Variants in HAP1 observed in about 807,000 individuals in gnomAD.
HAP1 encodes the protein huntingtin-associated protein 1.
A neutral mutation model predicts 60.3 loss-of-function variants in HAP1; 59 were observed. The observed-to-expected ratio is 0.98, with a 90% CI of 0.79 to 1.22. HAP1 has a LOEUF of 1.22. Ranked by LOEUF, HAP1 falls within the 50% of genes most tolerant of loss-of-function variation. HAP1 has a pLI of 0.00. For missense variants in HAP1, 825 were observed against 785.3 expected (o/e 1.05, Z -0.60); for synonymous variants, 346 against 330.6 (o/e 1.05, Z -0.50).
downstream of HAP1, among the ~76,000 whole-genome samples, chr17:41,719,649 C>T (rs981229662): frequency 4.6e-5 from 7 of 151,058 alleles, no homozygotes; most frequent in African/African-American, 1.2e-4. Context: ...GCTGAGATCA[C>T]GCCATTGCAC....
Position 41,734,176 on chromosome 17 carries a change from C to T in HAP1, c.459G>A (p.Glu153=), listed in dbSNP as rs1286707078. The T allele has an allele frequency of 6.3e-7, 1 of 1,582,254 alleles. No homozygotes were observed. The highest frequency in any genetic ancestry group is 8.6e-7 in the Non-Finnish European group (1 of 1,158,368). The change falls in exon 1 of 11, where the codon GAG becomes GAA. Residue 153 remains glutamate (E), a synonymous_variant. Coordinates refer to ENST00000347901, the MANE Select transcript of HAP1 (RefSeq NM_177977.3). ...GGGGGCCCGATTTACCTTCCTCCAG[C>T]TCCCGAATAAAGGCGGCGCGCTCAG... ...SGPERAAFIR[E]LEEALCPNLP...
At position 41,724,896 on chromosome 17, in the gene HAP1, C is replaced by T. The variant is rs1555588300; in HGVS notation, c.1665G>A (p.Val555=). ...CGCTGGCCTCCAGGGCTGATGTCAC[C>T]ACGTTCATCCGCGTTGCCTCATCCA... The part of the protein sequence containing the change: ...LELDEATRMN[V]VTSALEASGL... The change falls in exon 11 of 11, where the codon GTG becomes GTA. Residue 555 remains valine, a synonymous_variant. Transcript: ENST00000347901. 1.2e-6 allele frequency: 2 copies of T among 1,613,728 alleles called. No homozygotes were observed. Among genetic ancestry groups the T allele is most frequent in the Non-Finnish European group, 1.7e-6 (2 of 1,180,006 alleles).
In HAP1 at chr17:41,727,792, C is replaced by T; in HGVS notation, c.1245G>A (p.Glu415=). 1 of 1,612,080 alleles carries T rather than the reference C, an allele frequency of 6.2e-7. No individual in the cohort carries two copies. Among genetic ancestry groups the T allele is most frequent in the South Asian group, 1.1e-5 (1 of 91,068 alleles). ...TEKLQKQLAS[E]KEIQMQLQEE... ...CCTGGAGCTGCATCTGGATTTCCTT[C>T]TCCGAAGCCAGCTGCTTCTGCAACT... The change falls in exon 8 of 11, where the codon GAG becomes GAA. Residue 415 remains glutamate, a synonymous_variant. Coordinates refer to ENST00000347901, the MANE Select transcript of HAP1 (RefSeq NM_177977.3).
chr17:41,730,432 A>G (rs1555590507), intron 6 of HAP1: 2 of 152,148 alleles, frequency 1.3e-5, no homozygotes, highest in African/African-American at 2.4e-5. Flanking sequence ...AAACTCATTA[A>G]GGCTGTGTGC....
Position 41,724,899 on chromosome 17 carries a change from G to C in HAP1, c.1662C>G (p.Asn554Lys). 1 of 1,613,606 alleles carries C rather than the reference G, an allele frequency of 6.2e-7. No individual in the cohort carries two copies. The highest frequency in any genetic ancestry group is 8.5e-7 in the Non-Finnish European group (1 of 1,179,982). The change falls in exon 11 of 11, where the codon AAC becomes AAG. Residue 554 changes from asparagine to lysine, a missense_variant. By Grantham distance (94) the Asn-to-Lys change is moderately conservative. Transcript: ENST00000347901. Reference sequence around the variant, plus strand: ...TGGCCTCCAGGGCTGATGTCACCACGTTCATCCGCGTTGCCTCATCCAGCT... The same window carrying C: ...TGGCCTCCAGGGCTGATGTCACCACCTTCATCCGCGTTGCCTCATCCAGCT... The part of the protein sequence containing the change: ...ELELDEATRM[N>K]VVTSALEASG...
At chr17:41,727,252 A>C (rs1390354417) in intron 8 of HAP1, 108 bp from the exon 9 acceptor site, 3 of 791,422 alleles carry the variant, frequency 3.8e-6, no homozygotes, top group Non-Finnish European at 7.0e-6. Context: ...AGGCTGAGAC[A>C]CAGGCACAGA....
rs1418745838 is a variant in HAP1, at chr17:41,732,231, T to TC, written c.712dup (p.Glu238GlyfsTer14). 10 of 1,613,866 alleles carry TC rather than the reference T, an allele frequency of 6.2e-6. No individual in the cohort carries two copies. The East Asian group carries it at 2.2e-4, about 36-fold the overall frequency. On this transcript the variant is annotated frameshift_variant and splice_region_variant, in exon 3 of 11. Transcript: ENST00000347901. LOFTEE classifies it high-confidence loss of function. ...ATCCTCTCCTCCCCACCCGGTTACCTCCTCCTTGGCTGAGCCCAGCAGGGC... is the reference window on the plus strand; with the variant it reads ...ATCCTCTCCTCCCCACCCGGTTACCTCCCTCCTTGGCTGAGCCCAGCAGGGC...
chr17:41,727,174 G>T, intron 8 of HAP1, 30 bp from the exon 9 acceptor site: 2 of 1,232,996 alleles, frequency 1.6e-6, no homozygotes, highest in Non-Finnish European at 2.4e-6. Context: ...CGTTACCAGA[G>T]GACCCCCACA....
rs1555591117 is a variant in HAP1, at chr17:41,731,949, T to C, written c.884A>G (p.Asp295Gly). ...GGCAGGAACTCACAGCTTAGGGGCA[T>C]CACAGGGATGAGCACACTGCAGGTC... The part of the protein sequence containing the change: ...EEDLQCAHPC[D>G]APKLISQEAL... The change falls in exon 4 of 11, where the codon GAT becomes GGT. Residue 295 changes from aspartate to glycine, a missense_variant. Physicochemically the swap from Asp to Gly is moderately conservative, Grantham distance 94 (BLOSUM62 -1). Transcript: ENST00000347901. The C allele has an allele frequency of 1.1e-6, 1 of 926,324 alleles. No individual in the cohort carries two copies. The highest frequency in any genetic ancestry group is 2.0e-5 in the Admixed American group (1 of 50,684). 57.4% of individuals were successfully genotyped at this position (926,324 alleles called of 1,614,324 possible). A position where few individuals can be genotyped will look rare whatever the true frequency, so the allele number is the denominator to read the frequency against.
Position 41,734,223 on chromosome 17 carries a change from G to A in HAP1, c.412C>T (p.Arg138Trp), listed in dbSNP as rs782200553. ...TCAGGGCCGGACACCCCGGGTCGCC[G>A]GCCAACGTAGGCGGCTGGCGTCTTC... ...IWKTPAAYVG[R>W]RPGVSGPERA... is the part of the protein sequence containing the mutation. Residue 138 changes from arginine (R) to tryptophan (W), a missense_variant, in exon 1 of 11, where the codon CGG becomes TGG. Physicochemically the swap from Arg to Trp is moderately radical, Grantham distance 101 (BLOSUM62 -3). Transcript: ENST00000347901. 5.6e-6 allele frequency: 9 copies of A among 1,599,196 alleles called. No individual in the cohort carries two copies. The highest frequency in any genetic ancestry group is 1.7e-6 in the Non-Finnish European group (2 of 1,169,452).
In HAP1 at chr17:41,723,138, G is replaced by C. The variant is rs1911327150; in HGVS notation, c.*1563C>G. 1 of 152,306 alleles carries C rather than the reference G, an allele frequency of 6.6e-6. No individual in the cohort carries two copies. The highest frequency in any genetic ancestry group is 2.4e-5 in the African/African-American group (1 of 41,432). 9.4% of individuals were successfully genotyped at this position (152,306 alleles called of 1,614,324 possible). On this transcript the variant is annotated 3_prime_UTR_variant, in exon 11 of 11. Coordinates refer to ENST00000347901, the MANE Select transcript of HAP1 (RefSeq NM_177977.3). ...CACAACTCCCTGCCGGTGGAAGCTG[G>C]GCCCTGTTCCCTGCTCAGGGCTGAG...
In HAP1 at chr17:41,723,346, C is replaced by G. The variant is rs1480199400; in HGVS notation, c.*1355G>C. On this transcript the variant is annotated 3_prime_UTR_variant, in exon 11 of 11. Coordinates refer to ENST00000347901, the MANE Select transcript of HAP1 (RefSeq NM_177977.3). ...AAAGGGCAGAACATGGAAGAGGAAG[C>G]CAGGGGCAGGGAGGGGTCCCCAAGC... 6.5e-6 allele frequency: 1 copy of G among 152,762 alleles called. No individual in the cohort carries two copies. The highest frequency in any genetic ancestry group is 1.5e-5 in the Non-Finnish European group (1 of 68,114). 9.5% of individuals were successfully genotyped at this position (152,762 alleles called of 1,614,324 possible). A position where few individuals can be genotyped will look rare whatever the true frequency, so the allele number is the denominator to read the frequency against.
rs1911494144 is a variant in HAP1 at position 41,724,898 on chromosome 17, C to T, written c.1663G>A (p.Val555Met). The T allele has an allele frequency of 3.1e-6, 5 of 1,613,594 alleles. No homozygotes were observed. The highest frequency in any genetic ancestry group is 4.2e-6 in the Non-Finnish European group (5 of 1,179,998). Residue 555 changes from valine to methionine, a missense_variant, in exon 11 of 11, where the codon GTG (valine) becomes ATG (methionine). Coordinates refer to ENST00000347901, the MANE Select transcript of HAP1 (RefSeq NM_177977.3). The stretch of plus-strand genomic sequence containing the variant: ...CTGGCCTCCAGGGCTGATGTCACCA[C>T]GTTCATCCGCGTTGCCTCATCCAGC... ...LELDEATRMN[V>M]VTSALEASGL...
In HAP1 at chr17:41,723,754, C is replaced by G. The variant is rs1244214797; in HGVS notation, c.*947G>C. 6.6e-6 allele frequency: 1 copy of G among 152,486 alleles called. No homozygotes were observed. Among genetic ancestry groups the G allele is most frequent in the Non-Finnish European group, 1.5e-5 (1 of 68,210 alleles). 9.4% of individuals were successfully genotyped at this position (152,486 alleles called of 1,614,324 possible). ...GCCTGCTGAAGCCAGTGCTATTCCA[C>G]CCGGCAGTGACCAAAGGGCCATGAG... On this transcript the variant is annotated 3_prime_UTR_variant, in exon 11 of 11. Transcript: ENST00000347901.
At chr17:41,727,322 G>T (rs367837525) in intron 8 of HAP1, 178 bp from the exon 9 acceptor site, 3 of 780,930 alleles carry the variant, frequency 3.8e-6, no homozygotes, top group Non-Finnish European at 7.2e-6. Flanking sequence ...ATGGGTAATG[G>T]GTGGCAGACC....
chr17:41,732,174 C>T (rs901324683), intron 3 of HAP1, 56 bp from the exon 4 acceptor site: 1 of 1,610,492 alleles, frequency 6.2e-7, no homozygotes, highest in Non-Finnish European at 8.5e-7. Flanking sequence ...AGGAGAGGGT[C>T]CTGGCATGAG....
chr17:41,732,436 G>A (rs998300353), intron 2 of HAP1, 42 bp from the exon 3 acceptor site: 2 of 1,600,234 alleles, frequency 1.2e-6, no homozygotes, highest in African/African-American at 1.3e-5. Flanking sequence ...AGGCCCCTAA[G>A]AGAACCTTCC....
At chr17:41,720,563 A>G (rs116101085), downstream of HAP1, among the ~76,000 whole-genome samples, 7,365 of 152,202 alleles carry the variant, frequency 0.048, 557 homozygotes, top group African/African-American at 0.17. Flanking sequence ...TTTTTATGCA[A>G]ATAGGAGGGT....
downstream of HAP1, chr17:41,717,818 G>A (rs1412422562): frequency 3.0e-6 from 1 of 332,804 alleles, no homozygotes; most frequent in Admixed American, 3.0e-5. Context: ...CCTCCCTTCT[G>A]TATCCCCGGT....
Sources: allele counts gnomAD v4.1 joint callset (sites outside exome capture counted in the v4.1 genomes callset), GRCh38; gene constraint gnomAD v4.1.1; transcripts MANE v1.5; gene names NCBI Gene and HGNC (gene_info 2026-07-23, HGNC 2026-07-21).